SNUPN: variants seen among roughly 807,000 people sequenced by gnomAD.
The protein encoded by SNUPN is snurportin-1.
Under a neutral mutation model 39.2 loss-of-function variants are expected in SNUPN, and 31 were observed. The ratio of observed to expected loss-of-function variants is 0.79; its 90% confidence interval spans 0.59 to 1.07. SNUPN has a LOEUF of 1.07. SNUPN is among the 50% of genes least tolerant of loss of function. SNUPN has a pLI of 0.00. For synonymous variants in SNUPN, 132 were observed against 159.0 expected, an observed-to-expected ratio of 0.83 and a Z score of 1.28; for missense variants, 382 against 434.2, an observed-to-expected ratio of 0.88 and a Z score of 1.07.
At chr15:75,618,768 A>G (rs1251097158) in intron 2 of SNUPN, among the ~76,000 whole-genome samples, 2 of 152,088 alleles carry the variant, frequency 1.3e-5, no homozygotes, top group Non-Finnish European at 2.9e-5. Flanking sequence ...GAGCTGGTAT[A>G]TTTGTACATG....
At position 75,609,987 on chromosome 15, in the gene SNUPN, A is replaced by C; in HGVS notation, c.311T>G (p.Leu104Arg). 6.2e-7 allele frequency: 1 copy of C among 1,613,736 alleles called. No individual in the cohort carries two copies. Among genetic ancestry groups the C allele is most frequent in the Non-Finnish European group, 8.5e-7 (1 of 1,179,648 alleles). The change falls in exon 4 of 9, where the codon CTT (leucine) becomes CGT (arginine). Residue 104 changes from leucine to arginine, a missense_variant. By Grantham distance (102) the Leu-to-Arg change is moderately radical (BLOSUM62 -2). Transcript: ENST00000308588. Reference sequence around the variant, plus strand: ...AGGAACGTCAATTAACCACTCAGAAAGCATCAACTGGAAATGCAAAAAATA... The same window carrying C: ...AGGAACGTCAATTAACCACTCAGAACGCATCAACTGGAAATGCAAAAAATA... ...LPKHYANQLM[L>R]SEWLIDVPSD...
chr15:75,603,188 T>C (rs925786278), intron 7 of SNUPN, among the ~76,000 whole-genome samples: 2 of 151,518 alleles, frequency 1.3e-5, no homozygotes, highest in Non-Finnish European at 2.9e-5. Flanking sequence ...GCTGGGACTA[T>C]AGGCGCCCAC....
chr15:75,615,771 ATTT>A (rs967561931), intron 3 of SNUPN, among the ~76,000 whole-genome samples: 1 of 146,762 alleles, frequency 6.8e-6, no homozygotes, highest in African/African-American at 2.5e-5. Flanking sequence ...CGCCTGGCTA[ATTT>A]TTTTTTTGTA....
intron 3 of SNUPN, among the ~76,000 whole-genome samples, chr15:75,615,823 T>C (rs891976534): frequency 1.3e-5 from 2 of 151,660 alleles, no homozygotes; most frequent in African/African-American, 2.4e-5. Flanking sequence ...TTAGCCAGGA[T>C]GGTCTCGATC....
intron 6 of SNUPN, 78 bp from the exon 7 acceptor site, chr15:75,605,305 A>ATT (rs372246427): frequency 3.5e-3 from 1,871 of 538,884 alleles, no homozygotes; most frequent in Middle Eastern, 5.5e-3. Context: ...ACCCCATGCT[A>ATT]TTTTTTTTTT....
chr15:75,604,185 G>C (rs1227127327), intron 7 of SNUPN, among the ~76,000 whole-genome samples: 1 of 117,744 alleles, frequency 8.5e-6, no homozygotes, highest in Non-Finnish European at 1.6e-5. Flanking sequence ...TTTTGTGACA[G>C]AGTCTCGCTC....
At chr15:75,615,750 T>C (rs1409484844) in intron 3 of SNUPN, among the ~76,000 whole-genome samples, 1 of 151,796 alleles carries the variant, frequency 6.6e-6, no homozygotes, top group Non-Finnish European at 1.5e-5. Context: ...TACAGGCGCC[T>C]GCCACCACCA....
At chr15:75,616,850 TG>T (rs1892951571) in intron 3 of SNUPN, among the ~76,000 whole-genome samples, 1 of 152,238 alleles carries the variant, frequency 6.6e-6, no homozygotes, top group African/African-American at 2.4e-5. Context: ...TGCTGCTTCA[TG>T]GCCTGAACCT....
intron 7 of SNUPN, 97 bp downstream of exon 7, chr15:75,605,053 A>G: frequency 1.3e-6 from 1 of 797,842 alleles, no homozygotes; most frequent in Non-Finnish European, 2.1e-6. Context: ...TGCTGCCTCA[A>G]AAAAGATCAT....
chr15:75,621,116 C>T, intron 1 of SNUPN, 60 bp from the exon 2 acceptor site: 1 of 1,495,386 alleles, frequency 6.7e-7, no homozygotes. Flanking sequence ...TGTATACAGA[C>T]AGTTATGCAG....
At chr15:75,618,089 TA>T (rs1168664477) in intron 2 of SNUPN, among the ~76,000 whole-genome samples, 1 of 152,096 alleles carries the variant, frequency 6.6e-6, no homozygotes, top group Non-Finnish European at 1.5e-5. Flanking sequence ...CAGAGTTTCC[TA>T]AGAATGCAAA....
intron 7 of SNUPN, among the ~76,000 whole-genome samples, chr15:75,602,592 G>C (rs2075297491): frequency 2.0e-5 from 3 of 151,762 alleles, no homozygotes; most frequent in South Asian, 2.1e-4. Context: ...AACTGGTCTG[G>C]GGTGGGATCC....
intron 1 of SNUPN, among the ~76,000 whole-genome samples, chr15:75,621,713 A>C (rs1893076022): frequency 6.6e-6 from 1 of 152,184 alleles, no homozygotes; most frequent in South Asian, 2.1e-4. Flanking sequence ...CACTGGTTCT[A>C]GGGTCCCTGG....
At chr15:75,619,072 C>T (rs931547153) in intron 2 of SNUPN, among the ~76,000 whole-genome samples, 3 of 145,248 alleles carry the variant, frequency 2.1e-5, no homozygotes, top group African/African-American at 5.1e-5. Context: ...TGGCTCCTGC[C>T]TGTAATCCCA....
At chr15:75,599,260 A>G (rs969745047) in intron 8 of SNUPN, among the ~76,000 whole-genome samples, 12 of 152,272 alleles carry the variant, frequency 7.9e-5, no homozygotes, top group African/African-American at 2.4e-4. Context: ...TATCTTACCC[A>G]TGACGGTGTC....
chr15:75,620,999 A>T lies in SNUPN; in HGVS notation c.53T>A (p.Leu18Gln). ...GGGGTGTGGGGCAGCTGTGCTGTTC[A>T]GATCTTGAGACACAGAAAAGCTACT... is the stretch of plus-strand genomic sequence containing the variant. ...LASSFSVSQD[L>Q]NSTAAPHPRL... The change falls in exon 2 of 9, where the codon CTG becomes CAG. Residue 18 changes from leucine (L) to glutamine (Q), a missense_variant. Physicochemically the swap from Leu to Gln is moderately radical, Grantham distance 113 (BLOSUM62 -2). Coordinates refer to ENST00000308588, the MANE Select transcript of SNUPN (RefSeq NM_005701.4). 6.2e-7 allele frequency: 1 copy of T among 1,614,132 alleles called. No homozygotes were observed. Among genetic ancestry groups the T allele is most frequent in the Non-Finnish European group, 8.5e-7 (1 of 1,179,988 alleles).
At chr15:75,625,552 T>G (rs1272931824) in intron 1 of SNUPN, 114 bp downstream of exon 1, 2 of 151,830 alleles carry the variant, frequency 1.3e-5, no homozygotes. Flanking sequence ...GCTCTATCCC[T>G]CCAGATGACG....
At chr15:75,603,765 G>T (rs1038613797) in intron 7 of SNUPN, among the ~76,000 whole-genome samples, 1 of 151,820 alleles carries the variant, frequency 6.6e-6, no homozygotes, top group South Asian at 2.1e-4. Flanking sequence ...TATTCTCTTG[G>T]CCCCATGACA....
At chr15:75,624,562 G>A (rs1270720516) in intron 1 of SNUPN, among the ~76,000 whole-genome samples, 32 of 149,992 alleles carry the variant, frequency 2.1e-4, no homozygotes, top group African/African-American at 7.8e-4. Context: ...AGTCCCAGAT[G>A]CTCGGGAGGC....
Sources: gnomAD v4.1 joint callset for allele counts (sites outside exome capture counted in the v4.1 genomes callset) on GRCh38, gnomAD v4.1.1 for gene constraint, MANE v1.5 for transcripts, NCBI Gene and HGNC (gene_info 2026-07-23, HGNC 2026-07-21) for gene names.